HSD17B12: variants seen among roughly 807,000 people sequenced by gnomAD.
HSD17B12 encodes very-long-chain 3-oxoacyl-CoA reductase.
In HSD17B12, 32 loss-of-function variants were observed where a neutral mutation model predicts 39.3. The observed-to-expected ratio is 0.81, with a 90% CI of 0.61 to 1.09. HSD17B12 has a LOEUF of 1.09. HSD17B12 is among the 50% of genes least tolerant of loss of function. HSD17B12 has a pLI of 0.00. For synonymous variants in HSD17B12, 150 were observed against 146.7 expected (o/e 1.02, Z -0.16); for missense variants, 342 against 382.9 (o/e 0.89, Z 0.89).
intron 6 of HSD17B12, among the ~76,000 whole-genome samples, chr11:43,821,983 G>A (rs2135092740): frequency 6.6e-6 from 1 of 152,280 alleles, no homozygotes; most frequent in South Asian, 2.1e-4. Flanking sequence ...CTATGGAAAG[G>A]TGGGAAAACC....
chr11:43,850,367 C>A (rs1951518855), intron 9 of HSD17B12, among the ~76,000 whole-genome samples: 1 of 152,116 alleles, frequency 6.6e-6, no homozygotes, highest in South Asian at 2.1e-4. Context: ...TTCATAGGAG[C>A]CCCAGCTTCT....
chr11:43,558,194 T>C, the HSD17B12 span, among the ~76,000 whole-genome samples: 1 of 152,100 alleles, frequency 6.6e-6, no homozygotes, highest in Admixed American at 6.6e-5. Context: ...AGGAAGGAGC[T>C]TGGGGAAGAG....
At chr11:43,573,082 C>T in the HSD17B12 span, among the ~76,000 whole-genome samples, 1 of 152,190 alleles carries the variant, frequency 6.6e-6, no homozygotes, top group Non-Finnish European at 1.5e-5. Flanking sequence ...CCCACAAGCC[C>T]TCTGGGGGAG....
chr11:43,740,389 C>T (rs936401545), intron 1 of HSD17B12, among the ~76,000 whole-genome samples: 1 of 152,070 alleles, frequency 6.6e-6, no homozygotes, highest in African/African-American at 2.4e-5. Flanking sequence ...TGACCGTTTA[C>T]GCTTACTTTT....
the HSD17B12 span, among the ~76,000 whole-genome samples, chr11:43,657,470 T>C: frequency 2.0e-5 from 3 of 152,232 alleles, no homozygotes; most frequent in South Asian, 6.2e-4. Context: ...ATTTTGCTGA[T>C]TAGTTGATGC....
the HSD17B12 span, among the ~76,000 whole-genome samples, chr11:43,672,758 C>G: frequency 6.6e-6 from 1 of 151,144 alleles, no homozygotes; most frequent in Non-Finnish European, 1.5e-5. Context: ...CCAGACTGGT[C>G]ACAAACTCCT....
At chr11:43,667,127 A>G in the HSD17B12 span, among the ~76,000 whole-genome samples, 2 of 152,138 alleles carry the variant, frequency 1.3e-5, no homozygotes, top group African/African-American at 2.4e-5. Flanking sequence ...TACACTATAT[A>G]GTTTTAAAAT....
the HSD17B12 span, among the ~76,000 whole-genome samples, chr11:43,658,230 A>G: frequency 2.6e-5 from 4 of 152,042 alleles, no homozygotes; most frequent in Non-Finnish European, 5.9e-5. Context: ...TTCTCGTGAC[A>G]TGGTTTTCAG....
the HSD17B12 span, among the ~76,000 whole-genome samples, chr11:43,637,815 T>G: frequency 6.6e-6 from 1 of 152,226 alleles, no homozygotes; most frequent in East Asian, 1.9e-4. Context: ...TTTAAAGCTA[T>G]GAAATTTCAA....
chr11:43,715,546 T>G (rs1950113645), intron 1 of HSD17B12, among the ~76,000 whole-genome samples: 1 of 152,214 alleles, frequency 6.6e-6, no homozygotes, highest in Admixed American at 6.5e-5. Flanking sequence ...ATTGAGGATT[T>G]TTGCATCAAT....
chr11:43,612,825 G>T, the HSD17B12 span, among the ~76,000 whole-genome samples: 9 of 152,142 alleles, frequency 5.9e-5, no homozygotes, highest in Admixed American at 2.6e-4. Context: ...TAGATAGGGT[G>T]GTCAAGAGAG....
At chr11:43,835,979 G>A (rs1319709552) in intron 7 of HSD17B12, among the ~76,000 whole-genome samples, 1 of 152,202 alleles carries the variant, frequency 6.6e-6, no homozygotes, top group African/African-American at 2.4e-5. Context: ...GGTGAGTGAA[G>A]TTTTAAGGGT....
At chr11:43,761,383 A>G (rs1950553740) in intron 3 of HSD17B12, among the ~76,000 whole-genome samples, 1 of 152,204 alleles carries the variant, frequency 6.6e-6, no homozygotes, top group South Asian at 2.1e-4. Context: ...GCCAATCAAT[A>G]TGTGTTGTAT....
intron 7 of HSD17B12, among the ~76,000 whole-genome samples, chr11:43,837,050 A>G (rs2135124100): frequency 6.6e-6 from 1 of 152,262 alleles, no homozygotes; most frequent in South Asian, 2.1e-4. Flanking sequence ...GACTTCTGTT[A>G]AACAACAACA....
chr11:43,692,351 A>T (rs193179323), intron 1 of HSD17B12, among the ~76,000 whole-genome samples: 304 of 152,296 alleles, frequency 2.0e-3, no homozygotes, highest in Non-Finnish European at 3.6e-3. Flanking sequence ...TGGTTAGACA[A>T]AGCTGGTTAC....
the HSD17B12 span, among the ~76,000 whole-genome samples, chr11:43,601,646 C>G: frequency 6.6e-6 from 1 of 152,090 alleles, no homozygotes; most frequent in Non-Finnish European, 1.5e-5. Context: ...GGGGTAATCT[C>G]CTTTTGATGG....
chr11:43,715,593 T>G (rs562788110), intron 1 of HSD17B12, among the ~76,000 whole-genome samples: 2 of 152,290 alleles, frequency 1.3e-5, no homozygotes, highest in Admixed American at 6.5e-5. Flanking sequence ...TCTCTTTTTT[T>G]GTTGTGTCTC....
intron 1 of HSD17B12, among the ~76,000 whole-genome samples, chr11:43,745,427 A>T (rs1950404069): frequency 6.6e-6 from 1 of 152,202 alleles, no homozygotes; most frequent in African/African-American, 2.4e-5. Flanking sequence ...TGATACTGCC[A>T]TCAATTCATT....
intron 1 of HSD17B12, among the ~76,000 whole-genome samples, chr11:43,723,488 C>G (rs947684932): frequency 2.0e-5 from 3 of 151,894 alleles, no homozygotes; most frequent in Admixed American, 6.5e-5. Context: ...AATGATAATA[C>G]CACTCTAATT....
Sources: gnomAD v4.1 joint callset for allele counts (sites outside exome capture counted in the v4.1 genomes callset) on GRCh38, gnomAD v4.1.1 for gene constraint, MANE v1.5 for transcripts, NCBI Gene and HGNC (gene_info 2026-07-23, HGNC 2026-07-21) for gene names.